Variants in HERC2 observed in about 807,000 individuals in gnomAD.
HERC2 encodes HECT and RLD domain containing E3 ubiquitin protein ligase 2.
Under a neutral mutation model 537.7 loss-of-function variants are expected in HERC2, and 102 were observed. That is an observed-to-expected ratio of 0.19 (90% CI 0.16 to 0.22). The LOEUF is 0.22. Among genes scored for constraint, HERC2 ranks in the 10% least tolerant of loss-of-function variants. HERC2 has a pLI of 1.00. For missense variants in HERC2, 4,236 were observed against 6,198.2 expected (o/e 0.68, Z 10.63); for synonymous variants, 2,224 against 2,466.2 (o/e 0.90, Z 2.91).
chr15:28,140,552 C>T (rs975810314), intron 78 of HERC2, among the ~76,000 whole-genome samples: 2 of 152,104 alleles, frequency 1.3e-5, no homozygotes, highest in Non-Finnish European at 2.9e-5. Context: ...GACAGAATCT[C>T]ACTCCGTCAC....
chr15:28,223,182 A>C (rs530200810), intron 35 of HERC2, among the ~76,000 whole-genome samples: 24 of 152,286 alleles, frequency 1.6e-4, no homozygotes, highest in African/African-American at 5.5e-4. Context: ...ACCTGAGAGC[A>C]GTAAAACTTC....
chr15:28,123,220 C>T (rs868430487), intron 85 of HERC2, among the ~76,000 whole-genome samples: 1 of 152,096 alleles, frequency 6.6e-6, no homozygotes, highest in Admixed American at 6.5e-5. Context: ...GAAACAAAGC[C>T]GGTCTTTAAA....
Position 28,286,120 on chromosome 15 carries a change from C to G in HERC2, c.323-5833G>C, listed in dbSNP as rs535618573. 2.6e-5 allele frequency among the ~76,000 whole-genome samples: 4 copies of G among 152,028 alleles called. No individual in the cohort carries two copies. In the South Asian group the frequency reaches 6.2e-4, roughly 24 times the overall value. On this transcript the variant is annotated intron_variant, in intron 4 of 92. Transcript: ENST00000261609. ...CATTAAAAAAGAATTAACACGGACT[C>G]AAAACAATCTCTTCTGGAAACTAGA... is the stretch of plus-strand genomic sequence containing the variant.
At chr15:28,235,433 G>A (rs1902325372) in intron 26 of HERC2, among the ~76,000 whole-genome samples, 1 of 152,104 alleles carries the variant, frequency 6.6e-6, no homozygotes, top group African/African-American at 2.4e-5. Context: ...AGGAGGGAAG[G>A]AAGCAGATAC....
chr15:28,256,069 T>C lies in HERC2; in HGVS notation c.2746+20A>G. 1 of 1,603,922 alleles carries C rather than the reference T, an allele frequency of 6.2e-7. No homozygotes were observed. Among genetic ancestry groups the C allele is most frequent in the Non-Finnish European group, 8.5e-7 (1 of 1,178,918 alleles). ...CAACACCCTGACCCATGCCCTCTCC[T>C]GTTCCTTCCCCAGGCCCACCTGCGC... On this transcript the variant is annotated intron_variant, in intron 18 of 92. Transcript: ENST00000261609.
At chr15:28,251,945 G>A (rs2075097761) in intron 20 of HERC2, among the ~76,000 whole-genome samples, 1 of 152,038 alleles carries the variant, frequency 6.6e-6, no homozygotes, top group African/African-American at 2.4e-5. Context: ...AACCATCAGG[G>A]TAGCTTACAT....
chr15:28,236,081 A>G (rs1902409878), intron 26 of HERC2, among the ~76,000 whole-genome samples: 1 of 152,118 alleles, frequency 6.6e-6, no homozygotes, highest in Admixed American at 6.5e-5. Context: ...CTGGGCATGC[A>G]GGGAGACAAA....
rs749456626 is a variant in HERC2, at chr15:28,198,603, A to G, written c.7883T>C (p.Ile2628Thr). 39 of 1,612,836 alleles carry G rather than the reference A, an allele frequency of 2.4e-5. No individual in the cohort carries two copies. The highest frequency in any genetic ancestry group is 1.7e-4 in the Admixed American group (10 of 59,852). Residue 2628 changes from isoleucine (I) to threonine (T), a missense_variant and splice_region_variant, in exon 49 of 93, where the codon ATA becomes ACA. Ile to Thr is a moderately conservative substitution (Grantham distance 89). This residue lies in a region of HERC2 where 606 missense variants were observed against 884.5 expected (regional missense o/e 0.69). Transcript: ENST00000261609. ...CACTGAACAAAGAATGTGCTCACCT[A>G]TAAGTTCCACATGAATGTACCTAAC... ...YWVRYIHVEL[I>T]GYPPPSSSSH...
intron 14 of HERC2, among the ~76,000 whole-genome samples, chr15:28,263,634 A>G (rs929524268): frequency 8.5e-5 from 13 of 152,240 alleles, no homozygotes; most frequent in Non-Finnish European, 1.8e-4. Context: ...TTGATTAAAT[A>G]TTACATAAAG....
intron 81 of HERC2, 76 bp downstream of exon 81, chr15:28,132,021 TGTG>T (rs1238940214): frequency 1.4e-5 from 18 of 1,241,876 alleles, no homozygotes; most frequent in Non-Finnish European, 1.8e-5. Context: ...GCTCTGAGGC[TGTG>T]TTTTCCCAGA....
In HERC2 at chr15:28,268,544, A is replaced by G. The variant is rs2075632525; in HGVS notation, c.1519T>C (p.Tyr507His). The G allele has an allele frequency of 6.2e-7, 1 of 1,614,154 alleles. No homozygotes were observed. Residue 507 changes from tyrosine (Y) to histidine (H), a missense_variant, in exon 12 of 93, where the codon TAC (tyrosine) becomes CAC (histidine). Tyr to His is a moderately conservative substitution (Grantham distance 83). Transcript: ENST00000261609. The surrounding 1 kb of genome is among the most constrained non-coding windows in gnomAD (Gnocchi z 4.7). ...TCTCCAGTAGCAGCCAAGGCTAGGT[A>G]GTGGTGACCATCAGAATGGGCAGCA... The part of the protein sequence containing the change: ...KIAAHSDGHH[Y>H]LALAATGEVY...
At chr15:28,235,595 T>C (rs1374895265) in intron 26 of HERC2, among the ~76,000 whole-genome samples, 1 of 152,180 alleles carries the variant, frequency 6.6e-6, no homozygotes. Context: ...CTCTCAGCAT[T>C]GCCCTTGACA....
At chr15:28,254,559 T>C (rs776126519) in intron 19 of HERC2, 41 bp from the exon 20 acceptor site, 1 of 1,417,176 alleles carries the variant, frequency 7.1e-7, no homozygotes, top group Non-Finnish European at 9.6e-7. Context: ...GTGATCTCAT[T>C]ACCAGGTGTG....
intron 39 of HERC2, among the ~76,000 whole-genome samples, chr15:28,215,257 C>T (rs1404076997): frequency 2.0e-5 from 3 of 152,252 alleles, no homozygotes; most frequent in South Asian, 2.1e-4. Flanking sequence ...GGTAATTACA[C>T]TCAAGTTGAT....
intron 21 of HERC2, 88 bp from the exon 22 acceptor site, chr15:28,246,985 T>C: frequency 9.0e-7 from 1 of 1,115,738 alleles, no homozygotes; most frequent in East Asian, 2.5e-5. Context: ...TATTCTCATC[T>C]ACACATCTTT....
At chr15:28,156,721 G>T (rs2142381088) in intron 69 of HERC2, among the ~76,000 whole-genome samples, 1 of 152,206 alleles carries the variant, frequency 6.6e-6, no homozygotes, top group South Asian at 2.1e-4. Context: ...ACTTCCTCTT[G>T]TTCTAATTGA....
intron 2 of HERC2, 116 bp from the exon 3 acceptor site, chr15:28,299,632 A>G: frequency 1.6e-6 from 1 of 622,130 alleles, no homozygotes; most frequent in Middle Eastern, 2.7e-4. Context: ...ATTTGGTAAT[A>G]AAATCAATGA....
chr15:28,116,571 A>G (rs1270294138), intron 88 of HERC2, 94 bp downstream of exon 88: 30 of 1,239,258 alleles, frequency 2.4e-5, no homozygotes, highest in Non-Finnish European at 2.9e-5. Context: ...GATATTCAAG[A>G]TATCTACTGT....
intron 74 of HERC2, 103 bp from the exon 75 acceptor site, chr15:28,143,055 T>C (rs150868499): frequency 2.8e-6 from 3 of 1,061,164 alleles, no homozygotes; most frequent in Admixed American, 6.0e-5. Flanking sequence ...GTACTAACTC[T>C]TCTAAAAAAA....
Sources: allele counts gnomAD v4.1 joint callset (sites outside exome capture counted in the v4.1 genomes callset), GRCh38; gene constraint gnomAD v4.1.1; regional missense constraint gnomAD v4.1.1; non-coding constraint Gnocchi (gnomAD v3.1); transcripts MANE v1.5; gene names NCBI Gene and HGNC (gene_info 2026-07-23, HGNC 2026-07-21).